CADM2: variants seen among roughly 807,000 people sequenced by gnomAD.
CADM2 encodes immunoglobulin superfamily member 4D.
Under a neutral mutation model 49.8 loss-of-function variants are expected in CADM2, and 12 were observed. That is an observed-to-expected ratio of 0.24 (90% CI 0.15 to 0.39). The LOEUF (loss-of-function observed/expected upper bound fraction) is 0.39. Ranked by LOEUF, CADM2 falls within the 10% of genes least tolerant of loss-of-function variation. The probability of loss-of-function intolerance (pLI) is 1.00; values close to 1 mark genes in which losing one functional copy is unlikely to be tolerated. For synonymous variants in CADM2, 214 were observed against 175.4 expected, an observed-to-expected ratio of 1.22 and a Z score of -1.74; for missense variants, 378 against 492.3, an observed-to-expected ratio of 0.77 and a Z score of 2.20.
intron 1 of CADM2, among the ~76,000 whole-genome samples, chr3:85,112,863 T>C (rs2038510777): frequency 1.3e-5 from 2 of 151,744 alleles, no homozygotes; most frequent in African/African-American, 4.8e-5. Flanking sequence ...TGTAATAAGA[T>C]TAAACAGCTC....
intron 1 of CADM2, among the ~76,000 whole-genome samples, chr3:85,007,437 A>G (rs2033785635): frequency 6.6e-6 from 1 of 152,188 alleles, no homozygotes; most frequent in South Asian, 2.1e-4. Context: ...CAAAAGCAGA[A>G]GGCCACCCAT....
intron 1 of CADM2, among the ~76,000 whole-genome samples, chr3:85,395,744 A>G (rs980394948): frequency 2.0e-5 from 3 of 152,004 alleles, no homozygotes; most frequent in Admixed American, 6.6e-5. Context: ...TGAAGTTTAT[A>G]TAATTTAAGA....
intron 1 of CADM2, among the ~76,000 whole-genome samples, chr3:85,668,098 T>C (rs1355889118): frequency 2.6e-5 from 4 of 151,878 alleles, no homozygotes; most frequent in African/African-American, 7.2e-5. Flanking sequence ...AAGTTTTCCA[T>C]ATTTTGAAAT....
chr3:85,454,964 T>C (rs2037925911), intron 1 of CADM2, among the ~76,000 whole-genome samples: 2 of 152,228 alleles, frequency 1.3e-5, no homozygotes, highest in African/African-American at 2.4e-5. Flanking sequence ...GCCTTGGTTG[T>C]TGTAAGTCAT....
intron 1 of CADM2, among the ~76,000 whole-genome samples, chr3:85,684,137 T>A (rs1171662244): frequency 2.0e-5 from 3 of 152,244 alleles, no homozygotes; most frequent in Admixed American, 1.3e-4. Flanking sequence ...ATTTAAATGT[T>A]ATAAATCTTT....
intron 3 of CADM2, among the ~76,000 whole-genome samples, chr3:85,830,546 T>G (rs1224186339): frequency 6.6e-6 from 1 of 151,932 alleles, no homozygotes; most frequent in African/African-American, 2.4e-5. Context: ...CACTTGTTTG[T>G]TTTTGCTTTT....
intron 1 of CADM2, among the ~76,000 whole-genome samples, chr3:85,288,790 C>CCCA (rs1553704682): frequency 7.5e-6 from 1 of 132,600 alleles, no homozygotes; most frequent in South Asian, 2.9e-4. Context: ...ATATGCCCCC[C>CCCA]CCCCCTCTTT....
At chr3:85,212,887 TCTTTCTTTC>T (rs1559723933) in intron 1 of CADM2, among the ~76,000 whole-genome samples, 2,095 of 108,792 alleles carry the variant, frequency 0.019, 120 homozygotes, top group African/African-American at 0.087. Flanking sequence ...TCTTTCTTTC[TCTTTCTTTC>T]TTTTAATGGA....
chr3:85,956,072 T>C (rs2059081577), intron 7 of CADM2, among the ~76,000 whole-genome samples: 2 of 151,628 alleles, frequency 1.3e-5, no homozygotes, highest in South Asian at 4.1e-4. Flanking sequence ...TTTGGGCTGG[T>C]TAAAGAGAAA....
At chr3:86,057,170 A>G (rs1738094281) in intron 8 of CADM2, among the ~76,000 whole-genome samples, 1 of 152,212 alleles carries the variant, frequency 6.6e-6, no homozygotes, top group Non-Finnish European at 1.5e-5. Flanking sequence ...GAGTAAGCGC[A>G]GTGACGCATT....
At position 85,912,419 on chromosome 3, in the gene CADM2, T is replaced by C. The variant is rs765481031; in HGVS notation, c.576T>C (p.Thr192=). 1.9e-6 allele frequency: 3 copies of C among 1,613,466 alleles called. No homozygotes were observed. The highest frequency in any genetic ancestry group is 1.7e-4 in the Middle Eastern group (1 of 6,054). ...AGGATGCAAATCGCAAGACATTCAC[T>C]GTCAGCAGCACACTGGACTTCCGAG... The part of the protein sequence containing the change: ...KEEDANRKTF[T]VSSTLDFRVD... Residue 192 remains threonine, a synonymous_variant, in exon 6 of 10, where the codon ACT becomes ACC. Transcript: ENST00000383699.
intron 1 of CADM2, among the ~76,000 whole-genome samples, chr3:85,512,862 G>A (rs2060804231): frequency 6.6e-6 from 1 of 151,878 alleles, no homozygotes; most frequent in South Asian, 2.1e-4. Flanking sequence ...TGTAAAAAAT[G>A]AATCAATCAT....
intron 1 of CADM2, among the ~76,000 whole-genome samples, chr3:85,115,528 C>A (rs935987782): frequency 2.0e-5 from 3 of 152,156 alleles, no homozygotes; most frequent in Non-Finnish European, 4.4e-5. Flanking sequence ...TGAGACTGGG[C>A]TCTTGCAGTC....
intron 1 of CADM2, among the ~76,000 whole-genome samples, chr3:85,642,602 G>A (rs1441588403): frequency 6.6e-6 from 1 of 152,092 alleles, no homozygotes; most frequent in Non-Finnish European, 1.5e-5. Context: ...AAAAAATTAA[G>A]TGTCTATTAT....
chr3:85,916,497 G>T (rs1718348720), intron 6 of CADM2, among the ~76,000 whole-genome samples: 3 of 151,978 alleles, frequency 2.0e-5, no homozygotes, highest in South Asian at 4.2e-4. Flanking sequence ...CAAAGGACAT[G>T]AACTCATCAT....
intron 1 of CADM2, among the ~76,000 whole-genome samples, chr3:85,001,707 A>C (rs1352049062): frequency 1.3e-5 from 2 of 152,030 alleles, no homozygotes; most frequent in African/African-American, 4.8e-5. Context: ...GCCTTCTAAG[A>C]AGTGTTGTTG....
chr3:85,257,606 T>C (rs548849975), intron 1 of CADM2, among the ~76,000 whole-genome samples: 54 of 152,218 alleles, frequency 3.5e-4, no homozygotes, highest in African/African-American at 1.3e-3. Flanking sequence ...TTGTTTTTCC[T>C]TATGGTCAAA....
At chr3:85,455,836 T>A (rs2037966127) in intron 1 of CADM2, among the ~76,000 whole-genome samples, 1 of 152,190 alleles carries the variant, frequency 6.6e-6, no homozygotes, top group Admixed American at 6.5e-5. Flanking sequence ...AAAGTGGGTA[T>A]GAGTGTGTTC....
At chr3:85,096,619 T>G (rs1013825619) in intron 1 of CADM2, among the ~76,000 whole-genome samples, 1 of 151,870 alleles carries the variant, frequency 6.6e-6, no homozygotes, top group African/African-American at 2.4e-5. Flanking sequence ...TAAATTTTGT[T>G]TTTGAAAAGT....
Sources: allele counts gnomAD v4.1 joint callset (sites outside exome capture counted in the v4.1 genomes callset), GRCh38; gene constraint gnomAD v4.1.1; transcripts MANE v1.5; gene names NCBI Gene and HGNC (gene_info 2026-07-23, HGNC 2026-07-21).